The following TSPEAR variants were observed in gnomAD, a reference collection of about 807,000 sequenced individuals.
TSPEAR encodes thrombospondin type laminin G domain and EAR repeats, also known as thrombospondin-type laminin G domain and EAR repeat-containing protein.
A neutral mutation model predicts 71.6 loss-of-function variants in TSPEAR; 69 were observed. That is an observed-to-expected ratio of 0.96 (90% CI 0.79 to 1.18). The LOEUF (loss-of-function observed/expected upper bound fraction) is 1.18, where lower values mean the gene tolerates loss of function less well. Ranked by LOEUF, TSPEAR falls within the 50% of genes most tolerant of loss-of-function variation. TSPEAR has a pLI of 0.00. For synonymous variants in TSPEAR, 402 were observed against 387.2 expected (o/e 1.04, Z -0.45); for missense variants, 971 against 894.9 (o/e 1.09, Z -1.09).
At chr21:44,615,270 C>A (rs1350601594) in intron 1 of TSPEAR, among the ~76,000 whole-genome samples, 1 of 152,276 alleles carries the variant, frequency 6.6e-6, no homozygotes, top group Non-Finnish European at 1.5e-5. Flanking sequence ...GGAGGCCCTG[C>A]ACGAGGGCCG....
At chr21:44,676,587 C>G in intron 1 of TSPEAR, 1 of 725,618 alleles carries the variant, frequency 1.4e-6, no homozygotes, top group East Asian at 2.5e-5. Context: ...ATTCTTGTTC[C>G]GAGAGTTTCT....
In TSPEAR at chr21:44,604,249, TG is replaced by T. The variant is rs587681731; in HGVS notation, c.83-36245del. Among the ~76,000 whole-genome samples the T allele has an allele frequency of 4.9e-3, 740 of 152,342 alleles. 4 individuals carry two copies. Among genetic ancestry groups the T allele is most frequent in the Non-Finnish European group, 8.1e-3 (550 of 68,030 alleles). Reference sequence around the variant, plus strand: ...GCCTTGTGGGCTTAAGCCATTGACATGTTGACTTCTGTTGGTTTCTGAACCA... The same window carrying T: ...GCCTTGTGGGCTTAAGCCATTGACATTTGACTTCTGTTGGTTTCTGAACCA... On this transcript the variant is annotated intron_variant, in intron 1 of 11. Transcript: ENST00000323084.
chr21:44,644,885 C>T (rs782708412), intron 1 of TSPEAR, among the ~76,000 whole-genome samples: 2 of 151,946 alleles, frequency 1.3e-5, no homozygotes, highest in African/African-American at 2.4e-5. Flanking sequence ...GAAACAAAAG[C>T]GTGACACTTT....
intron 2 of TSPEAR, among the ~76,000 whole-genome samples, chr21:44,547,629 C>T (rs587641607): frequency 6.6e-6 from 1 of 152,304 alleles, no homozygotes; most frequent in South Asian, 2.1e-4. Context: ...TAGCTTGGTG[C>T]TAAGACAGTA....
intron 9 of TSPEAR, chr21:44,510,665 C>T (rs894340409): frequency 6.6e-6 from 1 of 152,300 alleles, no homozygotes; most frequent in South Asian, 2.1e-4. Context: ...CCACGCCCAG[C>T]AGGGGGCGCC....
At chr21:44,500,611 A>G (rs1231732379) in intron 11 of TSPEAR, among the ~76,000 whole-genome samples, 12 of 152,254 alleles carry the variant, frequency 7.9e-5, no homozygotes, top group African/African-American at 9.6e-5. Flanking sequence ...TCTCACGGGA[A>G]AGGGCAGGGT....
chr21:44,530,446 T>C (rs1555915622), intron 4 of TSPEAR, among the ~76,000 whole-genome samples: 1 of 151,780 alleles, frequency 6.6e-6, no homozygotes, highest in East Asian at 1.9e-4. Context: ...TCTCCATCTG[T>C]TCATCTCTCC....
At chr21:44,663,509 A>C (rs1646427728) in intron 1 of TSPEAR, among the ~76,000 whole-genome samples, 1 of 152,112 alleles carries the variant, frequency 6.6e-6, no homozygotes, top group South Asian at 2.1e-4. Flanking sequence ...CTCCCTGGAA[A>C]ATTCTACCAA....
At position 44,574,867 on chromosome 21, in the gene TSPEAR, G is replaced by A. The variant is rs781969787; in HGVS notation, c.83-6862C>T. On this transcript the variant is annotated intron_variant, in intron 1 of 11. Coordinates refer to ENST00000323084, the MANE Select transcript of TSPEAR (RefSeq NM_144991.3). ...TCCCTCCTCTGCCGCCCCGTGTGCAGGCCCGCCTGCTGCGTGCCCGTCCCT... is the reference window on the plus strand; with the variant it reads ...TCCCTCCTCTGCCGCCCCGTGTGCAAGCCCGCCTGCTGCGTGCCCGTCCCT... 1.4e-5 allele frequency: 22 copies of A among 1,611,136 alleles called. No homozygotes were observed. In the South Asian group the frequency reaches 2.1e-4, roughly 15 times the overall value.
chr21:44,565,318 C>T (rs1244348466), intron 2 of TSPEAR, among the ~76,000 whole-genome samples: 1 of 151,946 alleles, frequency 6.6e-6, no homozygotes, highest in Non-Finnish European at 1.5e-5. Flanking sequence ...CTTCACAAAC[C>T]CTTTCAAAAA....
At chr21:44,689,833 T>A (rs1325715486) in intron 1 of TSPEAR, among the ~76,000 whole-genome samples, 1 of 148,742 alleles carries the variant, frequency 6.7e-6, no homozygotes, top group Non-Finnish European at 1.5e-5. Flanking sequence ...CCAGTCTGAG[T>A]CCCAAAACTG....
In TSPEAR at chr21:44,529,754, TCG is replaced by T. The variant is rs782152029; in HGVS notation, c.790+42_790+43del. The T allele has an allele frequency of 1.9e-6, 3 of 1,610,124 alleles. No individual in the cohort carries two copies. The South Asian group carries it at 3.3e-5, about 18-fold the overall frequency. On this transcript the variant is annotated intron_variant, in intron 5 of 11. Transcript: ENST00000323084. ...CCCGCCTGGTGTGAGGCCAGGGCTC[TCG>T]CATCTGCCTTTGGTGTGGGGGCGGG... is the stretch of plus-strand genomic sequence containing the variant.
Position 44,626,795 on chromosome 21 carries a change from C to T in TSPEAR, c.83-58790G>A, listed in dbSNP as rs924918957. 2.6e-5 allele frequency among the ~76,000 whole-genome samples: 4 copies of T among 152,256 alleles called. No individual in the cohort carries two copies. In the South Asian group the frequency reaches 8.3e-4, roughly 31 times the overall value. On this transcript the variant is annotated intron_variant, in intron 1 of 11. Transcript: ENST00000323084. ...CAGTGGCTGGACGATGCCCCAGCAA[C>T]CAAAGATGGCCCCAGGCACATCCCA...
At chr21:44,591,475 G>C in intron 1 of TSPEAR, 11 of 1,614,058 alleles carry the variant, frequency 6.8e-6, no homozygotes, top group Non-Finnish European at 9.3e-6. Context: ...ACAGGAGGCC[G>C]TGCGGCAGCA....
At chr21:44,572,982 G>A (rs587650851) in intron 1 of TSPEAR, among the ~76,000 whole-genome samples, 9 of 151,946 alleles carry the variant, frequency 5.9e-5, no homozygotes, top group Middle Eastern at 3.4e-3. Context: ...TGAGGGGAGC[G>A]GGGTGAGACA....
intron 1 of TSPEAR, among the ~76,000 whole-genome samples, chr21:44,701,171 T>C (rs1987628991): frequency 6.6e-6 from 1 of 152,236 alleles, no homozygotes; most frequent in African/African-American, 2.4e-5. Flanking sequence ...GAGTTCCCAG[T>C]GACGCTTCCA....
intron 1 of TSPEAR, among the ~76,000 whole-genome samples, chr21:44,705,092 G>A (rs1330360273): frequency 6.6e-6 from 1 of 152,200 alleles, no homozygotes; most frequent in African/African-American, 2.4e-5. Context: ...GGATTGTGAA[G>A]ATTTTATGGA....
intron 1 of TSPEAR, among the ~76,000 whole-genome samples, chr21:44,688,663 C>T (rs548916665): frequency 2.6e-5 from 4 of 152,082 alleles, no homozygotes; most frequent in South Asian, 4.2e-4. Context: ...GAGCCGAGAT[C>T]GCCCCACTGG....
intron 1 of TSPEAR, among the ~76,000 whole-genome samples, chr21:44,631,772 T>TG (rs1226721899): frequency 1.3e-5 from 2 of 152,166 alleles, no homozygotes; most frequent in African/African-American, 4.8e-5. Context: ...AGAGTTTAAC[T>TG]GGCCTGTAGG....
Sources: allele counts gnomAD v4.1 joint callset (sites outside exome capture counted in the v4.1 genomes callset), GRCh38; gene constraint gnomAD v4.1.1; transcripts MANE v1.5; gene names NCBI Gene and HGNC (gene_info 2026-07-23, HGNC 2026-07-21).